The following NPAS3 variants were observed in gnomAD, a reference collection of about 807,000 sequenced individuals.
NPAS3 encodes neuronal PAS domain protein 3.
Under a neutral mutation model 73.1 loss-of-function variants are expected in NPAS3, and 14 were observed. The ratio of observed to expected loss-of-function variants is 0.19; its 90% CI spans 0.13 to 0.30. NPAS3 has a LOEUF of 0.30. Among genes scored for constraint, NPAS3 ranks in the 10% least tolerant of loss-of-function variants. NPAS3 has a pLI of 1.00. For missense variants in NPAS3, 1,096 were observed against 1,250.0 expected, an observed-to-expected ratio of 0.88 and a Z score of 1.86; for synonymous variants, 620 against 541.5, an observed-to-expected ratio of 1.14 and a Z score of -2.01.
At chr14:33,283,861 G>A (rs1034338298) in intron 3 of NPAS3, among the ~76,000 whole-genome samples, 1 of 152,186 alleles carries the variant, frequency 6.6e-6, no homozygotes, top group Non-Finnish European at 1.5e-5. Context: ...CTATAAAGGA[G>A]TGGTTAGGCA....
At chr14:33,601,685 T>A (rs1015834306) in intron 5 of NPAS3, among the ~76,000 whole-genome samples, 5 of 152,364 alleles carry the variant, frequency 3.3e-5, no homozygotes, top group East Asian at 1.9e-4. Context: ...ACTAGCTGAA[T>A]GTGCGTGCTC....
intron 1 of NPAS3, among the ~76,000 whole-genome samples, chr14:32,963,376 G>T (rs751896321): frequency 6.6e-6 from 1 of 152,158 alleles, no homozygotes; most frequent in Non-Finnish European, 1.5e-5. Context: ...AATGGATCAG[G>T]CTGTTCCAAA....
Position 33,563,537 on chromosome 14 carries a change from C to CACACACACAGAGAGAGAG in NPAS3, c.558+3328_558+3329insCACACACAGAGAGAGAGA. Among the ~76,000 whole-genome samples the CACACACACAGAGAGAGAG allele has an allele frequency of 7.9e-4, 95 of 119,690 alleles. 1 individual carries two copies. Among genetic ancestry groups the CACACACACAGAGAGAGAG allele is most frequent in the African/African-American group, 3.4e-3 (90 of 26,770 alleles). The allele number at this position is 119,690 out of a possible 152,430, so 78.5% of individuals were successfully genotyped here. On this transcript the variant is annotated intron_variant, in intron 5 of 11. Transcript: ENST00000356141. ...ATACATACACACACACACACACACA[C>CACACACACAGAGAGAGAG]AGAGAGAGAGAGAGAGAGAGAGAGA...
intron 4 of NPAS3, among the ~76,000 whole-genome samples, chr14:33,536,558 G>C (rs1011007531): frequency 6.6e-6 from 1 of 152,158 alleles, no homozygotes; most frequent in African/African-American, 2.4e-5. Flanking sequence ...TAGCTATGCA[G>C]TTCCCATCAG....
intron 3 of NPAS3, among the ~76,000 whole-genome samples, chr14:33,344,558 G>A (rs2044639360): frequency 6.6e-6 from 1 of 152,066 alleles, no homozygotes; most frequent in South Asian, 2.1e-4. Flanking sequence ...ATCATAGTAG[G>A]TGATCAATAT....
intron 4 of NPAS3, among the ~76,000 whole-genome samples, chr14:33,463,240 T>C (rs947707982): frequency 6.6e-6 from 1 of 152,186 alleles, no homozygotes; most frequent in African/African-American, 2.4e-5. Context: ...AAATCTGTAG[T>C]AATCCTTTCT....
intron 3 of NPAS3, among the ~76,000 whole-genome samples, chr14:33,260,604 C>T (rs2048941214): frequency 6.6e-6 from 1 of 152,022 alleles, no homozygotes; most frequent in Admixed American, 6.6e-5. Context: ...TTTGCTATAA[C>T]ATCTAATCTT....
At chr14:32,938,493 G>GAGAGAGAGAGAGAGAC (rs2035790438), upstream of NPAS3, among the ~76,000 whole-genome samples, 2 of 102,902 alleles carry the variant, frequency 1.9e-5, no homozygotes, top group Non-Finnish European at 4.2e-5. Context: ...AATTGAGAGA[G>GAGAGAGAGAGAGAGAC]AGAGAGAGAG....
intron 2 of NPAS3, chr14:33,213,783 A>G (rs2047121928): frequency 6.6e-6 from 1 of 152,244 alleles, no homozygotes; most frequent in Non-Finnish European, 1.5e-5. Flanking sequence ...TAGAGCAAAC[A>G]TAAAACTGGT....
At chr14:33,115,147 A>G (rs1445196577) in intron 2 of NPAS3, among the ~76,000 whole-genome samples, 1 of 152,154 alleles carries the variant, frequency 6.6e-6, no homozygotes, top group Non-Finnish European at 1.5e-5. Context: ...TAGTAAGGAA[A>G]AGGTTAATAT....
intron 2 of NPAS3, among the ~76,000 whole-genome samples, chr14:33,163,304 C>T (rs2044978993): frequency 6.6e-6 from 1 of 152,208 alleles, no homozygotes; most frequent in Non-Finnish European, 1.5e-5. Flanking sequence ...TCAGTCAGTG[C>T]TCACAGACCT....
Position 33,698,808 on chromosome 14 carries a change from A to G in NPAS3, c.733+22423A>G, listed in dbSNP as rs17101737. 4.8e-3 allele frequency among the ~76,000 whole-genome samples: 726 copies of G among 152,348 alleles called. 35 individuals carry two copies. In the East Asian group the frequency reaches 0.11, roughly 22 times the overall value. The stretch of plus-strand genomic sequence containing the variant: ...AATTGAATTGATCTATAGTTAATCA[A>G]TAGTGGAGACTTGGCTAAATAAAGG... On this transcript the variant is annotated intron_variant, in intron 6 of 11. Transcript: ENST00000356141.
intron 4 of NPAS3, among the ~76,000 whole-genome samples, chr14:33,403,499 A>T (rs1040183713): frequency 6.6e-6 from 1 of 152,104 alleles, no homozygotes; most frequent in Non-Finnish European, 1.5e-5. Flanking sequence ...TCACTGATAA[A>T]ATGGTAAATA....
At chr14:33,508,445 G>GCCAGCCAAAA (rs1418294867) in intron 4 of NPAS3, among the ~76,000 whole-genome samples, 4 of 152,114 alleles carry the variant, frequency 2.6e-5, no homozygotes, top group African/African-American at 9.6e-5. Context: ...GGGATAGATA[G>GCCAGCCAAAA]CCAGCCAAAA....
chr14:33,568,147 A>G (rs2056053552), intron 5 of NPAS3, among the ~76,000 whole-genome samples: 1 of 152,230 alleles, frequency 6.6e-6, no homozygotes, highest in South Asian at 2.1e-4. Context: ...GTAAGGAGCT[A>G]GTTCATTTTA....
At chr14:33,293,821 A>T (rs2042191441) in intron 3 of NPAS3, among the ~76,000 whole-genome samples, 1 of 152,232 alleles carries the variant, frequency 6.6e-6, no homozygotes, top group Admixed American at 6.5e-5. Flanking sequence ...AAGAGTTTAG[A>T]ATTAATTAGC....
intron 5 of NPAS3, among the ~76,000 whole-genome samples, chr14:33,622,681 C>T (rs188380047): frequency 9.2e-5 from 14 of 152,226 alleles, no homozygotes; most frequent in South Asian, 4.1e-4. Flanking sequence ...TGTATTGAGA[C>T]GCAAATATGG....
intron 5 of NPAS3, among the ~76,000 whole-genome samples, chr14:33,593,856 T>C (rs1299222849): frequency 6.6e-6 from 1 of 152,170 alleles, no homozygotes; most frequent in African/African-American, 2.4e-5. Flanking sequence ...TGTACAGAGA[T>C]GCTTCCTAGC....
chr14:32,942,425 C>G (rs1472530478), intron 1 of NPAS3, among the ~76,000 whole-genome samples: 1 of 152,140 alleles, frequency 6.6e-6, no homozygotes, highest in East Asian at 1.9e-4. Context: ...ATTTAGTGCT[C>G]CTTACATTTC....
Sources: allele counts gnomAD v4.1 joint callset (sites outside exome capture counted in the v4.1 genomes callset), GRCh38; gene constraint gnomAD v4.1.1; transcripts MANE v1.5; gene names NCBI Gene and HGNC (gene_info 2026-07-23, HGNC 2026-07-21).